PHF2: variants seen among roughly 807,000 people sequenced by gnomAD.
PHF2 encodes PHD finger protein 2.
PHF2 carries 27 observed loss-of-function variants against 120.5 expected under a neutral mutation model. That is an observed-to-expected ratio of 0.22 (90% CI 0.17 to 0.31). PHF2 has a LOEUF of 0.31. Ranked by LOEUF, PHF2 falls within the 10% of genes least tolerant of loss-of-function variation. The pLI is 1.00. For synonymous variants in PHF2, 568 were observed against 592.5 expected, an observed-to-expected ratio of 0.96 and a Z score of 0.60; for missense variants, 1,024 against 1,434.8, an observed-to-expected ratio of 0.71 and a Z score of 4.63.
At chr9:93,634,462 C>T (rs1171869024) in intron 2 of PHF2, among the ~76,000 whole-genome samples, 1 of 152,186 alleles carries the variant, frequency 6.6e-6, no homozygotes, top group African/African-American at 2.4e-5. Flanking sequence ...AAGCATCTAT[C>T]GCTTGGGTAA....
intron 17 of PHF2, among the ~76,000 whole-genome samples, chr9:93,669,415 G>A (rs1303274866): frequency 6.6e-6 from 1 of 152,276 alleles, no homozygotes; most frequent in Non-Finnish European, 1.5e-5. Context: ...GCTGCAGCTT[G>A]TGTGGCAGGG....
chr9:93,672,974 G>A (rs893145700), intron 17 of PHF2, among the ~76,000 whole-genome samples: 3 of 151,794 alleles, frequency 2.0e-5, no homozygotes, highest in African/African-American at 7.3e-5. Context: ...AGGTGCAGGT[G>A]TAGATGCATG....
intron 3 of PHF2, 83 bp downstream of exon 3, chr9:93,636,608 T>C: frequency 9.8e-7 from 1 of 1,015,836 alleles, no homozygotes; most frequent in Non-Finnish European, 1.5e-6. Context: ...TATCCATTGC[T>C]GGGGGCTTCC....
intron 9 of PHF2, 26 bp from the exon 10 acceptor site, chr9:93,658,119 C>T (rs1428558449): frequency 6.5e-7 from 1 of 1,544,372 alleles, no homozygotes; most frequent in Non-Finnish European, 8.9e-7. Flanking sequence ...GGCACCCACC[C>T]ACCTCACCCA....
intron 1 of PHF2, among the ~76,000 whole-genome samples, chr9:93,628,992 G>A (rs1216044299): frequency 6.6e-6 from 1 of 152,086 alleles, no homozygotes; most frequent in Non-Finnish European, 1.5e-5. Flanking sequence ...TGCCTTCCAG[G>A]CTCAAACAAT....
At chr9:93,644,642 A>G (rs1171039729) in intron 3 of PHF2, among the ~76,000 whole-genome samples, 1 of 151,984 alleles carries the variant, frequency 6.6e-6, no homozygotes, top group African/African-American at 2.4e-5. Flanking sequence ...TGCCCATCCC[A>G]TAGAAGCATG....
chr9:93,664,133 A>G (rs1305611643), intron 14 of PHF2, among the ~76,000 whole-genome samples: 3 of 152,098 alleles, frequency 2.0e-5, no homozygotes, highest in African/African-American at 7.2e-5. Context: ...GAGGACGTGC[A>G]TGGGGGACAG....
At chr9:93,663,477 C>T (rs1334933629) in intron 13 of PHF2, 40 bp from the exon 14 acceptor site, 10 of 1,268,578 alleles carry the variant, frequency 7.9e-6, no homozygotes, top group Non-Finnish European at 9.1e-6. Flanking sequence ...CCCCCCACTT[C>T]TGTGTGGGGC....
At chr9:93,630,444 G>A (rs1266237932) in intron 2 of PHF2, among the ~76,000 whole-genome samples, 2 of 152,320 alleles carry the variant, frequency 1.3e-5, no homozygotes, top group East Asian at 1.9e-4. Flanking sequence ...TACACGGGGG[G>A]CCCAGCCTGT....
In PHF2 at chr9:93,677,718, C is replaced by T. The variant is rs370450603; in HGVS notation, c.*42C>T. 49 of 1,483,510 alleles carry T rather than the reference C, an allele frequency of 3.3e-5. No individual in the cohort carries two copies. In the East Asian group the frequency reaches 5.0e-4, roughly 15 times the overall value. The allele number at this position is 1,483,510 out of a possible 1,614,324, so 91.9% of individuals were successfully genotyped here. A position where few individuals can be genotyped will look rare whatever the true frequency, so the allele number is the denominator to read the frequency against. On this transcript the variant is annotated 3_prime_UTR_variant, in exon 22 of 22. Coordinates refer to ENST00000359246, the MANE Select transcript of PHF2 (RefSeq NM_005392.4). This position sits in a 1 kb window ranked among gnomAD's most constrained non-coding sequence, Gnocchi z 4.4. ...ATCCTTCTGCTCCGCTCAGGACCCCCGGAGCCCCGCGAAAACATCTGCCTC... is the reference window on the plus strand; with the variant it reads ...ATCCTTCTGCTCCGCTCAGGACCCCTGGAGCCCCGCGAAAACATCTGCCTC...
chr9:93,647,627 C>T (rs934758296), intron 4 of PHF2, among the ~76,000 whole-genome samples: 1 of 152,168 alleles, frequency 6.6e-6, no homozygotes, highest in East Asian at 1.9e-4. Context: ...TGGTAGCTCA[C>T]GCCTGTAATC....
At chr9:93,596,188 A>G (rs2131610963) in intron 1 of PHF2, among the ~76,000 whole-genome samples, 1 of 152,314 alleles carries the variant, frequency 6.6e-6, no homozygotes, top group South Asian at 2.1e-4. Context: ...TACTCTGCAC[A>G]GCTGTGGGTT....
chr9:93,590,956 C>T (rs189425588), intron 1 of PHF2, among the ~76,000 whole-genome samples: 1 of 152,388 alleles, frequency 6.6e-6, no homozygotes, highest in Non-Finnish European at 1.5e-5. Context: ...TGCCTTCACA[C>T]ACCTCTGGGT....
intron 19 of PHF2, 108 bp downstream of exon 19, chr9:93,675,130 G>A: frequency 1.1e-6 from 1 of 876,480 alleles, no homozygotes; most frequent in Admixed American, 2.0e-5. Context: ...CTCTGCACCT[G>A]TCCTATCCTG....
rs142130095 is a variant in PHF2, at chr9:93,663,573, G to T, written c.1875G>T (p.Ser625=). ...KMEEEQKLEK[S]PLAGNKDNKF... is the part of the protein sequence containing the mutation. ...AAGAGGAGCAGAAGCTAGAGAAGTC[G>T]CCTCTAGCTGGAAACAAAGACAATA... The change falls in exon 14 of 22, where the codon TCG becomes TCT. Residue 625 remains serine, a synonymous_variant. Coordinates refer to ENST00000359246, the MANE Select transcript of PHF2 (RefSeq NM_005392.4). 6.2e-7 allele frequency: 1 copy of T among 1,613,316 alleles called. No individual in the cohort carries two copies. Among genetic ancestry groups the T allele is most frequent in the South Asian group, 1.1e-5 (1 of 91,012 alleles).
At chr9:93,618,835 G>GT (rs1554793824) in intron 1 of PHF2, among the ~76,000 whole-genome samples, 1 of 137,966 alleles carries the variant, frequency 7.2e-6, no homozygotes, top group African/African-American at 2.7e-5. Flanking sequence ...TGATGTGTGT[G>GT]GTGTGTGTGT....
intron 6 of PHF2, among the ~76,000 whole-genome samples, chr9:93,653,895 G>A (rs1826412729): frequency 6.6e-6 from 1 of 152,214 alleles, no homozygotes; most frequent in Admixed American, 6.5e-5. Context: ...CTGGATCTGG[G>A]GGCGGGCAGG....
intron 7 of PHF2, 116 bp from the exon 8 acceptor site, chr9:93,655,818 C>T (rs947721705): frequency 1.4e-6 from 1 of 700,464 alleles, no homozygotes. Flanking sequence ...GGAGCTGGAG[C>T]CTGGGCTGGG....
intron 3 of PHF2, among the ~76,000 whole-genome samples, chr9:93,645,385 A>G (rs953782786): frequency 6.6e-6 from 1 of 152,128 alleles, no homozygotes; most frequent in African/African-American, 2.4e-5. Context: ...TGACATTTCC[A>G]TGTGACACGT....
Sources: gnomAD v4.1 joint callset for allele counts (sites outside exome capture counted in the v4.1 genomes callset) on GRCh38, gnomAD v4.1.1 for gene constraint, Gnocchi (gnomAD v3.1) non-coding constraint, MANE v1.5 for transcripts, NCBI Gene and HGNC (gene_info 2026-07-23, HGNC 2026-07-21) for gene names.